PCSK2: variants seen among roughly 807,000 people sequenced by gnomAD.
PCSK2 encodes the protein neuroendocrine convertase 2.
In PCSK2, 14 loss-of-function variants were observed where a neutral mutation model predicts 69.7. The ratio of observed to expected loss-of-function variants is 0.20; its 90% CI spans 0.13 to 0.31. The LOEUF is 0.31. Among genes scored for constraint, PCSK2 ranks in the 10% least tolerant of loss-of-function variants. PCSK2 has a pLI of 1.00. For synonymous variants in PCSK2, 307 were observed against 320.7 expected (o/e 0.96, Z 0.46); for missense variants, 544 against 842.5 (o/e 0.65, Z 4.39).
Position 17,260,245 on chromosome 20 carries a change from C to G in PCSK2, c.183C>G (p.Pro61=). ...GTCTACTTGACTCTCCACAGCTTCC[C>G]TTTGCTGAAGGTCTGTACCACTTTT... is the stretch of plus-strand genomic sequence containing the variant. The part of the protein sequence containing the change: ...AEHGFGVRKL[P]FAEGLYHFYH... The change falls in exon 2 of 12, where the codon CCC becomes CCG. Residue 61 remains proline, a synonymous_variant. Coordinates refer to ENST00000262545, the MANE Select transcript of PCSK2 (RefSeq NM_002594.5). The G allele has an allele frequency of 6.2e-7, 1 of 1,609,534 alleles. No homozygotes were observed. Among genetic ancestry groups the G allele is most frequent in the African/African-American group, 1.3e-5 (1 of 74,950 alleles).
At chr20:17,327,623 C>A (rs766117968) in intron 2 of PCSK2, among the ~76,000 whole-genome samples, 32 of 152,104 alleles carry the variant, frequency 2.1e-4, no homozygotes, top group Non-Finnish European at 3.7e-4. Context: ...GGCGCTCCCT[C>A]CCATAGACAG....
intron 5 of PCSK2, among the ~76,000 whole-genome samples, chr20:17,393,683 T>G (rs1015797910): frequency 1.3e-5 from 2 of 152,232 alleles, no homozygotes; most frequent in African/African-American, 4.8e-5. Context: ...TTGTTTCAAT[T>G]GTATTAAATT....
intron 8 of PCSK2, among the ~76,000 whole-genome samples, chr20:17,444,431 AG>A (rs1445407974): frequency 6.6e-6 from 1 of 152,216 alleles, no homozygotes; most frequent in African/African-American, 2.4e-5. Context: ...TAAATACTTG[AG>A]AGAAGCAGTG....
At chr20:17,332,902 T>C (rs1036300500) in intron 2 of PCSK2, among the ~76,000 whole-genome samples, 1 of 152,186 alleles carries the variant, frequency 6.6e-6, no homozygotes, top group African/African-American at 2.4e-5. Context: ...CCTACCTTAT[T>C]TTGGGCTTTG....
At chr20:17,256,094 T>G (rs1309285107) in intron 1 of PCSK2, among the ~76,000 whole-genome samples, 1 of 152,206 alleles carries the variant, frequency 6.6e-6, no homozygotes, top group Non-Finnish European at 1.5e-5. Flanking sequence ...TCAGTATTTA[T>G]TTTGCAGAAA....
intron 6 of PCSK2, among the ~76,000 whole-genome samples, chr20:17,416,203 C>G (rs560993635): frequency 6.6e-6 from 1 of 152,280 alleles, no homozygotes; most frequent in South Asian, 2.1e-4. Context: ...AGAGCTTCTG[C>G]ACGGCAGAAG....
Position 17,449,526 on chromosome 20 carries a change from G to GTATATATATA in PCSK2, c.886-4212_886-4203dup. Among the ~76,000 whole-genome samples, 595 of 130,628 alleles carry GTATATATATA rather than the reference G, an allele frequency of 4.6e-3. 6 individuals carry two copies. Among genetic ancestry groups the GTATATATATA allele is most frequent in the African/African-American group, 7.4e-3 (250 of 33,612 alleles). The allele number at this position is 130,628 out of a possible 152,430, so 85.7% of individuals were successfully genotyped here. ...AATATACATATATATATGTATGTATGTATATATATATATGTATATTTGAGA... is the reference window on the plus strand; with the variant it reads ...AATATACATATATATATGTATGTATGTATATATATATATATATATATATGTATATTTGAGA... On this transcript the variant is annotated intron_variant, in intron 8 of 11. Coordinates refer to ENST00000262545, the MANE Select transcript of PCSK2 (RefSeq NM_002594.5).
chr20:17,233,104 C>T (rs1986204753), intron 1 of PCSK2, among the ~76,000 whole-genome samples: 1 of 152,112 alleles, frequency 6.6e-6, no homozygotes, highest in Non-Finnish European at 1.5e-5. Context: ...CGCTCACTGT[C>T]CCCAATACAC....
intron 2 of PCSK2, among the ~76,000 whole-genome samples, chr20:17,323,282 C>T (rs575494575): frequency 3.2e-4 from 49 of 152,282 alleles, no homozygotes; most frequent in East Asian, 2.5e-3. Flanking sequence ...AGGACACAGA[C>T]GCACACAGAG....
At chr20:17,245,461 A>G (rs1272170945) in intron 1 of PCSK2, among the ~76,000 whole-genome samples, 1 of 152,180 alleles carries the variant, frequency 6.6e-6, no homozygotes, top group East Asian at 1.9e-4. Flanking sequence ...TCTAGCTTAG[A>G]CATCTACTTT....
chr20:17,305,530 C>G (rs1292369817), intron 2 of PCSK2, among the ~76,000 whole-genome samples: 1 of 152,166 alleles, frequency 6.6e-6, no homozygotes, highest in Non-Finnish European at 1.5e-5. Flanking sequence ...TCTGCCACTT[C>G]CCAGCCATGT....
intron 6 of PCSK2, among the ~76,000 whole-genome samples, chr20:17,409,949 G>C (rs2123303970): frequency 6.6e-6 from 1 of 152,220 alleles, no homozygotes; most frequent in East Asian, 1.9e-4. Flanking sequence ...TTCTTAAATG[G>C]TTAATTACAT....
chr20:17,294,093 A>ATT (rs1988787566), intron 2 of PCSK2, among the ~76,000 whole-genome samples: 2 of 91,006 alleles, frequency 2.2e-5, no homozygotes, highest in South Asian at 3.4e-4. Context: ...TGTATAAAGT[A>ATT]TTTTCTTTTT....
intron 5 of PCSK2, among the ~76,000 whole-genome samples, chr20:17,371,457 A>G (rs2030760237): frequency 6.6e-6 from 1 of 152,222 alleles, no homozygotes; most frequent in Non-Finnish European, 1.5e-5. Flanking sequence ...CTGCAATACC[A>G]GAATACACCT....
chr20:17,299,693 C>T (rs1192794930), intron 2 of PCSK2, among the ~76,000 whole-genome samples: 1 of 151,690 alleles, frequency 6.6e-6, no homozygotes, highest in Non-Finnish European at 1.5e-5. Context: ...GGAAATTTTT[C>T]TTAAGTTTAC....
At chr20:17,296,428 C>G (rs1988895906) in intron 2 of PCSK2, among the ~76,000 whole-genome samples, 1 of 152,128 alleles carries the variant, frequency 6.6e-6, no homozygotes, top group African/African-American at 2.4e-5. Flanking sequence ...TTGTAGACAT[C>G]CCTACTGCTG....
intron 6 of PCSK2, among the ~76,000 whole-genome samples, chr20:17,418,643 T>A (rs1438294790): frequency 6.6e-6 from 1 of 152,206 alleles, no homozygotes; most frequent in African/African-American, 2.4e-5. Flanking sequence ...GCTGCTACTC[T>A]CAGAAGCCCC....
chr20:17,369,798 G>C (rs1214794587), intron 5 of PCSK2, among the ~76,000 whole-genome samples: 1 of 152,206 alleles, frequency 6.6e-6, no homozygotes, highest in Non-Finnish European at 1.5e-5. Flanking sequence ...GAGCCATTTG[G>C]GTTCTTGTTG....
chr20:17,360,504 A>T, intron 3 of PCSK2, 28 bp from the exon 4 acceptor site: 2 of 1,394,026 alleles, frequency 1.4e-6, no homozygotes, highest in Non-Finnish European at 2.0e-6. Flanking sequence ...AACTAATACC[A>T]TTCTCTGCTT....
Sources: gnomAD v4.1 joint callset for allele counts (sites outside exome capture counted in the v4.1 genomes callset) on GRCh38, gnomAD v4.1.1 for gene constraint, MANE v1.5 for transcripts, NCBI Gene and HGNC (gene_info 2026-07-23, HGNC 2026-07-21) for gene names.